Variants in ADAMTSL1 observed in about 807,000 individuals in gnomAD.
ADAMTSL1 encodes the protein ADAMTS-like protein 1.
A neutral mutation model predicts 201.8 loss-of-function variants in ADAMTSL1; 126 were observed. The observed-to-expected ratio is 0.62, with a 90% confidence interval of 0.54 to 0.72. The LOEUF (loss-of-function observed/expected upper bound fraction) is 0.72. Among genes scored for constraint, ADAMTSL1 ranks in the 30% least tolerant of loss-of-function variants. ADAMTSL1 has a pLI of 0.00. For missense variants in ADAMTSL1, 2,679 were observed against 2,277.8 expected, an observed-to-expected ratio of 1.18 and a Z score of -3.59; for synonymous variants, 1,121 against 903.4, an observed-to-expected ratio of 1.24 and a Z score of -4.32.
chr9:18,570,837 A>G (rs967797216), intron 3 of ADAMTSL1, among the ~76,000 whole-genome samples: 1 of 152,246 alleles, frequency 6.6e-6, no homozygotes, highest in African/African-American at 2.4e-5. Context: ...AAAACTGAGT[A>G]AAGATGCTCA....
At chr9:17,930,447 C>G (rs1356116514) in intron 1 of ADAMTSL1, among the ~76,000 whole-genome samples, 2 of 151,836 alleles carry the variant, frequency 1.3e-5, no homozygotes, top group African/African-American at 2.4e-5. Flanking sequence ...GTTCCATTCC[C>G]TCTTGTCCCT....
At chr9:18,011,178 A>T (rs1820037470) in intron 1 of ADAMTSL1, among the ~76,000 whole-genome samples, 1 of 152,050 alleles carries the variant, frequency 6.6e-6, no homozygotes, top group Non-Finnish European at 1.5e-5. Flanking sequence ...CTTGAGACAA[A>T]AGAGGTATGT....
intron 14 of ADAMTSL1, among the ~76,000 whole-genome samples, chr9:18,719,082 C>G (rs1227564221): frequency 6.6e-6 from 1 of 152,108 alleles, no homozygotes; most frequent in Non-Finnish European, 1.5e-5. Flanking sequence ...TCAACTGTTT[C>G]TTATGAAGTG....
chr9:18,018,420 T>C (rs1405370977), intron 1 of ADAMTSL1, among the ~76,000 whole-genome samples: 2 of 152,096 alleles, frequency 1.3e-5, no homozygotes, highest in African/African-American at 2.4e-5. Flanking sequence ...ATTTATGGAC[T>C]CCTTTTGAAT....
chr9:18,385,688 C>T (rs1837763310), intron 2 of ADAMTSL1, among the ~76,000 whole-genome samples: 1 of 152,138 alleles, frequency 6.6e-6, no homozygotes, highest in African/African-American at 2.4e-5. Context: ...CGGTTATCCA[C>T]CTTTAAAATT....
chr9:18,786,279 G>A (rs571991467), intron 19 of ADAMTSL1, among the ~76,000 whole-genome samples: 3 of 152,168 alleles, frequency 2.0e-5, no homozygotes, highest in Admixed American at 1.3e-4. Context: ...CTGGGCCTAG[G>A]TGTTCCCAGC....
chr9:17,989,918 C>CT (rs756953884), intron 1 of ADAMTSL1, among the ~76,000 whole-genome samples: 2,016 of 134,790 alleles, frequency 0.015, 37 homozygotes, highest in African/African-American at 0.044. Flanking sequence ...TTGTAAACAT[C>CT]TTTTTTTTTT....
intron 23 of ADAMTSL1, among the ~76,000 whole-genome samples, chr9:18,837,165 T>C (rs1005282704): frequency 5.9e-5 from 9 of 152,250 alleles, no homozygotes; most frequent in African/African-American, 2.2e-4. Context: ...CTTTTAGCAT[T>C]GTATTTAAGA....
chr9:18,490,726 G>T (rs1018187488), intron 1 of ADAMTSL1, among the ~76,000 whole-genome samples: 1 of 152,194 alleles, frequency 6.6e-6, no homozygotes, highest in Non-Finnish European at 1.5e-5. Flanking sequence ...AGAACTCGCT[G>T]CCAAAGAAGC....
At chr9:18,610,717 T>A (rs1825313663) in intron 4 of ADAMTSL1, among the ~76,000 whole-genome samples, 1 of 152,102 alleles carries the variant, frequency 6.6e-6, no homozygotes. Context: ...GCATAAACAA[T>A]TGTGATGGGA....
At chr9:18,387,456 A>G (rs763872461) in intron 2 of ADAMTSL1, among the ~76,000 whole-genome samples, 39 of 151,928 alleles carry the variant, frequency 2.6e-4, no homozygotes, top group Non-Finnish European at 5.2e-4. Flanking sequence ...CAAAGGTAGT[A>G]TTCATTATTC....
chr9:18,263,569 T>G (rs1487588199), intron 2 of ADAMTSL1, among the ~76,000 whole-genome samples: 1 of 152,162 alleles, frequency 6.6e-6, no homozygotes, highest in African/African-American at 2.4e-5. Context: ...TGACCGCAAA[T>G]TCCGAAGCCA....
intron 1 of ADAMTSL1, among the ~76,000 whole-genome samples, chr9:18,091,156 G>A (rs1299345859): frequency 6.6e-6 from 1 of 151,640 alleles, no homozygotes; most frequent in East Asian, 1.9e-4. Flanking sequence ...TTAGCCCCAC[G>A]GTACTGTTTT....
chr9:17,919,755 C>G (rs919613043), intron 1 of ADAMTSL1, among the ~76,000 whole-genome samples: 2 of 151,984 alleles, frequency 1.3e-5, no homozygotes, highest in African/African-American at 4.8e-5. Context: ...CACTTTTTAG[C>G]TATTATGAGT....
chr9:18,091,629 C>A (rs926124459), intron 1 of ADAMTSL1, among the ~76,000 whole-genome samples: 2 of 152,158 alleles, frequency 1.3e-5, no homozygotes, highest in Non-Finnish European at 2.9e-5. Context: ...GCTGTGTATC[C>A]TTGTCCATGT....
Position 18,845,261 on chromosome 9 carries a change from G to A in ADAMTSL1, c.4249+15284G>A, listed in dbSNP as rs115561005. ...GAGGAACTCCTCACAAATCTCCATTGGAGGCACATGTCAGCCCCACAGAAA... is the reference window on the plus strand; with the variant it reads ...GAGGAACTCCTCACAAATCTCCATTAGAGGCACATGTCAGCCCCACAGAAA... On this transcript the variant is annotated intron_variant, in intron 23 of 28. Transcript: ENST00000380548. Among the ~76,000 whole-genome samples the A allele has an allele frequency of 4.5e-3, 676 of 150,734 alleles. 9 individuals are homozygous for A. The highest frequency in any genetic ancestry group is 0.014 in the African/African-American group (564 of 41,448).
intron 26 of ADAMTSL1, among the ~76,000 whole-genome samples, chr9:18,895,337 T>A (rs1256214784): frequency 6.6e-6 from 1 of 152,140 alleles, no homozygotes; most frequent in Non-Finnish European, 1.5e-5. Context: ...ACAGCCCAAG[T>A]TCTACAGCAA....
chr9:18,167,930 G>A (rs1208930728), intron 2 of ADAMTSL1, among the ~76,000 whole-genome samples: 10 of 151,970 alleles, frequency 6.6e-5, no homozygotes, highest in Non-Finnish European at 1.3e-4. Flanking sequence ...CTTCCCACTT[G>A]AATTCATTCA....
At position 18,366,613 on chromosome 9, in the gene ADAMTSL1, C is replaced by G. The variant is rs189946870; in HGVS notation, c.208-138216C>G. Among the ~76,000 whole-genome samples the G allele has an allele frequency of 3.0e-4, 42 of 140,614 alleles. 1 individual carries two copies. The East Asian group carries it at 7.3e-3, about 25-fold the overall frequency. The allele number at this position is 140,614 out of a possible 152,430, so 92.2% of individuals were successfully genotyped here. On this transcript the variant is annotated intron_variant, in intron 2 of 29. Coordinates refer to the ADAMTSL1 transcript ENST00000680146. ...ACACTATTATTTAAATGGATAGTGCCTCTGAAATCACTAATTTTTTTTTTT... is the reference window on the plus strand; with the variant it reads ...ACACTATTATTTAAATGGATAGTGCGTCTGAAATCACTAATTTTTTTTTTT...
Sources: gnomAD v4.1 joint callset for allele counts (sites outside exome capture counted in the v4.1 genomes callset) on GRCh38, gnomAD v4.1.1 for gene constraint, MANE v1.5 for transcripts, NCBI Gene and HGNC (gene_info 2026-07-23, HGNC 2026-07-21) for gene names.